Variants in USH2A observed in about 807,000 individuals in gnomAD.
USH2A encodes the protein Usher syndrome 2A (autosomal recessive, mild).
A neutral mutation model predicts 538.9 loss-of-function variants in USH2A; 443 were observed. That is an observed-to-expected ratio of 0.82 (90% CI 0.76 to 0.89). The LOEUF (loss-of-function observed/expected upper bound fraction) is 0.89. Ranked by LOEUF, USH2A falls within the 40% of genes least tolerant of loss-of-function variation. The probability of loss-of-function intolerance (pLI) is 0.00; values close to 1 mark genes in which losing one functional copy is unlikely to be tolerated. For synonymous variants in USH2A, 2,413 were observed against 2,273.5 expected (o/e 1.06, Z -1.75); for missense variants, 6,633 against 6,324.8 (o/e 1.05, Z -1.65).
chr1:216,279,196 T>C (rs1558360056), intron 11 of USH2A, among the ~76,000 whole-genome samples: 4 of 152,212 alleles, frequency 2.6e-5, no homozygotes, highest in Admixed American at 2.6e-4. Context: ...TACAACTATA[T>C]TTTTGGTTTT....
intron 61 of USH2A, among the ~76,000 whole-genome samples, chr1:215,719,598 C>T (rs183726326): frequency 6.0e-4 from 92 of 152,282 alleles, no homozygotes; most frequent in African/African-American, 2.0e-3. Flanking sequence ...AGAACCTTAT[C>T]TACATTTGCT....
intron 30 of USH2A, among the ~76,000 whole-genome samples, chr1:216,054,169 A>T (rs1263290480): frequency 6.6e-6 from 1 of 152,170 alleles, no homozygotes; most frequent in African/African-American, 2.4e-5. Context: ...GAAAATTAAG[A>T]TTTTGCAGAC....
At chr1:216,232,379 A>G (rs1306563594) in intron 13 of USH2A, among the ~76,000 whole-genome samples, 2 of 152,176 alleles carry the variant, frequency 1.3e-5, no homozygotes, top group African/African-American at 4.8e-5. Context: ...TCTACCATGC[A>G]ATATTTCAAT....
chr1:216,212,007 AG>A (rs1437685688), intron 15 of USH2A, among the ~76,000 whole-genome samples: 1 of 152,202 alleles, frequency 6.6e-6, no homozygotes, highest in Non-Finnish European at 1.5e-5. Context: ...GCATGCTATC[AG>A]GAACACAACA....
chr1:215,630,522 ATATAT>A lies in USH2A; in HGVS notation c.15298-1492_15298-1488del, dbSNP rs1274073373. Among the ~76,000 whole-genome samples the A allele has an allele frequency of 2.4e-3, 302 of 125,774 alleles. 3 individuals carry two copies. The highest frequency in any genetic ancestry group is 9.0e-3 in the African/African-American group (277 of 30,784). 82.5% of individuals were successfully genotyped at this position (125,774 alleles called of 152,430 possible). A position where few individuals can be genotyped will look rare whatever the true frequency, so the allele number is the denominator to read the frequency against. On this transcript the variant is annotated intron_variant, in intron 70 of 71. Coordinates refer to ENST00000307340, the MANE Select transcript of USH2A (RefSeq NM_206933.4). ...TATATATATATATATATATATATAT[ATATAT>A]GAGAGAGAGAAAGTTGGGTTTTGCA... is the stretch of plus-strand genomic sequence containing the variant.
At chr1:215,782,594 G>T in intron 53 of USH2A, 144 bp downstream of exon 53, 1 of 891,682 alleles carries the variant, frequency 1.1e-6, no homozygotes, top group Non-Finnish European at 1.7e-6. Context: ...GTGATTAGTT[G>T]TCACATAATT....
intron 41 of USH2A, among the ~76,000 whole-genome samples, chr1:215,883,245 A>G (rs766039400): frequency 4.6e-5 from 7 of 152,114 alleles, no homozygotes; most frequent in Non-Finnish European, 1.0e-4. Flanking sequence ...ATTTTCTATT[A>G]AAGTATCTTG....
chr1:215,885,205 CT>C (rs1048240867), intron 41 of USH2A, among the ~76,000 whole-genome samples: 2 of 150,582 alleles, frequency 1.3e-5, no homozygotes, highest in African/African-American at 2.5e-5. Context: ...AATTGTATGC[CT>C]TTTTTTCTGC....
At chr1:216,048,677 C>A (rs377733558) in intron 30 of USH2A, 30 bp from the exon 31 acceptor site, 11 of 1,567,288 alleles carry the variant, frequency 7.0e-6, no homozygotes, top group Non-Finnish European at 2.6e-6. Context: ...AAGAGGGTTG[C>A]GTGTTTACCA....
chr1:215,956,537 C>T (rs1402829324), intron 37 of USH2A, among the ~76,000 whole-genome samples: 2 of 152,118 alleles, frequency 1.3e-5, no homozygotes, highest in Non-Finnish European at 2.9e-5. Context: ...AGAGATTCCT[C>T]CACAGAGATG....
chr1:215,996,568 T>G (rs940050602), intron 34 of USH2A, among the ~76,000 whole-genome samples: 1 of 65,146 alleles, frequency 1.5e-5, no homozygotes, highest in African/African-American at 4.6e-5. Context: ...ATGTTTTTTT[T>G]TTTTTTTTTT....
intron 61 of USH2A, among the ~76,000 whole-genome samples, chr1:215,714,277 G>A (rs921702122): frequency 2.6e-5 from 4 of 152,192 alleles, no homozygotes; most frequent in Admixed American, 2.6e-4. Context: ...GACAGAAGAG[G>A]AATAGAAAGT....
At chr1:215,743,488 GAA>G (rs1213393879) in intron 58 of USH2A, among the ~76,000 whole-genome samples, 153 bp from the exon 59 acceptor site, 5 of 145,554 alleles carry the variant, frequency 3.4e-5, no homozygotes, top group African/African-American at 1.3e-4. Context: ...AAATAAAACA[GAA>G]TGGGCAACAA....
At chr1:215,980,811 T>C (rs1667735442) in intron 35 of USH2A, among the ~76,000 whole-genome samples, 1 of 152,188 alleles carries the variant, frequency 6.6e-6, no homozygotes, top group Non-Finnish European at 1.5e-5. Flanking sequence ...TTCATTACTG[T>C]GTAGTATTCC....
At chr1:215,833,290 T>G (rs1578207) in intron 47 of USH2A, among the ~76,000 whole-genome samples, 7,185 of 151,968 alleles carry the variant, frequency 0.047, 272 homozygotes, top group South Asian at 0.14. Context: ...TACAATGTGA[T>G]TTGACAGCTT....
intron 38 of USH2A, among the ~76,000 whole-genome samples, chr1:215,929,545 AG>A (rs1666312977): frequency 6.6e-6 from 1 of 152,048 alleles, no homozygotes; most frequent in South Asian, 2.1e-4. Context: ...TGTGAAAGAC[AG>A]GTTTTTTTAC....
chr1:216,124,833 G>A (rs896305443), intron 21 of USH2A, among the ~76,000 whole-genome samples: 6 of 152,158 alleles, frequency 3.9e-5, no homozygotes, highest in African/African-American at 1.4e-4. Context: ...TTAATTAAGG[G>A]TTACCAGTGT....
intron 3 of USH2A, among the ~76,000 whole-genome samples, chr1:216,401,191 A>G (rs1479306819): frequency 6.6e-6 from 1 of 152,140 alleles, no homozygotes; most frequent in Admixed American, 6.5e-5. Context: ...TGGAAATAAA[A>G]GTACACTTTA....
At chr1:216,308,874 T>C (rs529142932) in intron 9 of USH2A, among the ~76,000 whole-genome samples, 1 of 152,206 alleles carries the variant, frequency 6.6e-6, no homozygotes, top group Non-Finnish European at 1.5e-5. Flanking sequence ...TTTTCAAACT[T>C]GAAGTGTGCT....
Sources: allele counts gnomAD v4.1 joint callset (sites outside exome capture counted in the v4.1 genomes callset), GRCh38; gene constraint gnomAD v4.1.1; transcripts MANE v1.5; gene names NCBI Gene and HGNC (gene_info 2026-07-23, HGNC 2026-07-21).